Variants in TMEM177 observed in about 807,000 individuals in gnomAD.
TMEM177 encodes transmembrane protein 177.
TMEM177 carries 4 observed loss-of-function variants against 14.2 expected under a neutral mutation model. The observed-to-expected ratio is 0.28, with a 90% CI of 0.14 to 0.64. The LOEUF is 0.64. Among genes scored for constraint, TMEM177 ranks in the 30% least tolerant of loss-of-function variants. TMEM177 has a pLI of 0.82. For synonymous variants in TMEM177, 179 were observed against 174.5 expected, an observed-to-expected ratio of 1.03 and a Z score of -0.20; for missense variants, 344 against 405.2, an observed-to-expected ratio of 0.85 and a Z score of 1.30.
At chr2:119,713,295 C>T in the TMEM177 span, among the ~76,000 whole-genome samples, 1 of 151,992 alleles carries the variant, frequency 6.6e-6, no homozygotes, top group Non-Finnish European at 1.5e-5. Context: ...CTCCAACTCC[C>T]GACCTCAGGT....
chr2:119,699,122 T>C, the TMEM177 span: 4,252 of 162,952 alleles, frequency 0.026, 63 homozygotes, highest in Non-Finnish European at 0.032. Flanking sequence ...TAGTTCGTTT[T>C]CACACTGCCA....
At chr2:119,709,518 A>C in the TMEM177 span, among the ~76,000 whole-genome samples, 1 of 152,190 alleles carries the variant, frequency 6.6e-6, no homozygotes, top group Non-Finnish European at 1.5e-5. Context: ...TCTACAAAAA[A>C]TAAAATGAAA....
At chr2:119,715,045 A>G in the TMEM177 span, among the ~76,000 whole-genome samples, 23 of 152,252 alleles carry the variant, frequency 1.5e-4, no homozygotes, top group African/African-American at 3.9e-4. Flanking sequence ...CATGACCCCC[A>G]AAAGCCCAAA....
downstream of TMEM177, among the ~76,000 whole-genome samples, chr2:119,690,820 A>G (rs561008016): frequency 8.5e-5 from 13 of 152,370 alleles, no homozygotes; most frequent in African/African-American, 3.1e-4. Context: ...TCAGGTGGAC[A>G]CTTTCAGCTC....
At chr2:119,697,310 C>T in the TMEM177 span, among the ~76,000 whole-genome samples, 1 of 152,202 alleles carries the variant, frequency 6.6e-6, no homozygotes, top group African/African-American at 2.4e-5. Context: ...CCTGCAATCC[C>T]AGCACTTTGG....
the TMEM177 span, among the ~76,000 whole-genome samples, chr2:119,692,932 A>G: frequency 1.5e-5 from 2 of 129,514 alleles, no homozygotes; most frequent in African/African-American, 5.9e-5. Context: ...AGATCACGCC[A>G]CTGCACTCCA....
intron 1 of TMEM177, 52 bp from the exon 2 acceptor site, chr2:119,680,780 G>T: frequency 6.2e-6 from 9 of 1,447,366 alleles, no homozygotes; most frequent in African/African-American, 1.4e-5. Context: ...AGGATGTTCA[G>T]TCTGCAGGCT....
chr2:119,714,892 A>G, the TMEM177 span, among the ~76,000 whole-genome samples: 1 of 152,242 alleles, frequency 6.6e-6, no homozygotes, highest in Non-Finnish European at 1.5e-5. Context: ...AAGCTTGGGC[A>G]AGGAAGAGGG....
the TMEM177 span, among the ~76,000 whole-genome samples, chr2:119,715,470 G>A: frequency 2.0e-5 from 3 of 152,120 alleles, no homozygotes; most frequent in Non-Finnish European, 2.9e-5. Flanking sequence ...CAGCAGTAAC[G>A]GGATTTGCAT....
chr2:119,683,893 C>T (rs1688962985), downstream of TMEM177, among the ~76,000 whole-genome samples: 1 of 152,076 alleles, frequency 6.6e-6, no homozygotes, highest in African/African-American at 2.4e-5. Flanking sequence ...GGCTGAGCTC[C>T]GTGTCCCTTC....
chr2:119,711,185 C>A, the TMEM177 span, among the ~76,000 whole-genome samples: 1 of 152,014 alleles, frequency 6.6e-6, no homozygotes, highest in Admixed American at 6.6e-5. Flanking sequence ...AGATTTGAGG[C>A]TTTGAAAAGA....
downstream of TMEM177, chr2:119,686,368 T>G (rs1689015125): frequency 6.6e-6 from 1 of 152,222 alleles, no homozygotes. Flanking sequence ...TCCAGAGAAC[T>G]CGCTGCTGCC....
intron 1 of TMEM177, among the ~76,000 whole-genome samples, chr2:119,679,791 A>G (rs1688848186): frequency 6.6e-6 from 1 of 152,192 alleles, no homozygotes; most frequent in African/African-American, 2.4e-5. Flanking sequence ...TGGATGTACT[A>G]TTTTGTCTAC....
the TMEM177 span, among the ~76,000 whole-genome samples, chr2:119,719,798 C>CTA: frequency 1.2e-3 from 176 of 151,980 alleles, 1 homozygote; most frequent in Non-Finnish European, 1.6e-3. Context: ...TCAAGATTTT[C>CTA]TATATATATA....
the TMEM177 span, among the ~76,000 whole-genome samples, chr2:119,717,678 G>A: frequency 1.5e-5 from 2 of 136,668 alleles, no homozygotes; most frequent in African/African-American, 5.6e-5. Context: ...GCGCAATCTT[G>A]GCTCACTGCA....
At position 119,681,914 on chromosome 2, in the gene TMEM177, ATAGCT is replaced by A; in HGVS notation, c.*129_*133del. ...GAAAAATCACTGGCTTTGGAATTAA[ATAGCT>A]TAGATTGTACTATAACCACTACTTA... On this transcript the variant is annotated 3_prime_UTR_variant, in exon 2 of 2. Transcript: ENST00000272521. 1.2e-6 allele frequency: 1 copy of A among 814,894 alleles called. No homozygotes were observed. The highest frequency in any genetic ancestry group is 2.0e-6 in the Non-Finnish European group (1 of 510,136). 50.5% of individuals were successfully genotyped at this position (814,894 alleles called of 1,614,324 possible). A position where few individuals can be genotyped will look rare whatever the true frequency, so the allele number is the denominator to read the frequency against.
the TMEM177 span, among the ~76,000 whole-genome samples, chr2:119,701,025 G>A: frequency 6.6e-6 from 1 of 152,226 alleles, no homozygotes; most frequent in Non-Finnish European, 1.5e-5. Context: ...CTGGGGACAA[G>A]AGAGCCAAGG....
At chr2:119,711,037 C>A in the TMEM177 span, among the ~76,000 whole-genome samples, 1 of 152,150 alleles carries the variant, frequency 6.6e-6, no homozygotes, top group Admixed American at 6.5e-5. Flanking sequence ...TCCCCAAGTC[C>A]CCAAGCACAG....
chr2:119,720,278 C>A, the TMEM177 span, among the ~76,000 whole-genome samples: 36 of 146,208 alleles, frequency 2.5e-4, no homozygotes, highest in East Asian at 6.8e-3. Flanking sequence ...TTATTCCCAA[C>A]TTTTTTTTTT....
Sources: gnomAD v4.1 joint callset for allele counts (sites outside exome capture counted in the v4.1 genomes callset) on GRCh38, gnomAD v4.1.1 for gene constraint, MANE v1.5 for transcripts, NCBI Gene and HGNC (gene_info 2026-07-23, HGNC 2026-07-21) for gene names.